Variants in METTL15 observed in about 807,000 individuals in gnomAD.
The protein encoded by METTL15 is 12S rRNA N(4)-cytidine methyltransferase METTL15.
In METTL15, 34 loss-of-function variants were observed where a neutral mutation model predicts 38.3. The ratio of observed to expected loss-of-function variants is 0.89; its 90% CI spans 0.68 to 1.18. The LOEUF (loss-of-function observed/expected upper bound fraction) is 1.18. Ranked by LOEUF, METTL15 falls within the 50% of genes most tolerant of loss-of-function variation. The probability of loss-of-function intolerance (pLI) is 0.00; values close to 1 mark genes in which losing one functional copy is unlikely to be tolerated. For missense variants in METTL15, 438 were observed against 498.4 expected (o/e 0.88, Z 1.15); for synonymous variants, 162 against 170.9 (o/e 0.95, Z 0.41).
At chr11:28,508,515 A>C (rs1851648500) in intron 6 of METTL15, among the ~76,000 whole-genome samples, 1 of 152,178 alleles carries the variant, frequency 6.6e-6, no homozygotes, top group Admixed American at 6.5e-5. Flanking sequence ...ATTGGCACCA[A>C]TTTTGTGCCC....
intron 5 of METTL15, among the ~76,000 whole-genome samples, chr11:28,383,113 C>A (rs1850406045): frequency 6.6e-6 from 1 of 152,122 alleles, no homozygotes; most frequent in Non-Finnish European, 1.5e-5. Flanking sequence ...CCTCTCCCTC[C>A]TCCTACCTTT....
At chr11:28,415,545 G>A (rs1352896140) in intron 5 of METTL15, among the ~76,000 whole-genome samples, 1 of 152,164 alleles carries the variant, frequency 6.6e-6, no homozygotes, top group Non-Finnish European at 1.5e-5. Flanking sequence ...AAAATGACTT[G>A]TTCAAAGTGG....
At position 28,486,773 on chromosome 11, in the gene METTL15, T is replaced by C. The variant is rs1007831483; in HGVS notation, c.*425-39705T>C. Reference sequence around the variant, plus strand: ...TTTTGCCATGCCAGGATATTGTAGCTGATAACTTAACTTCTTTATCCATTC... The same window carrying C: ...TTTTGCCATGCCAGGATATTGTAGCCGATAACTTAACTTCTTTATCCATTC... On this transcript the variant is annotated intron_variant and NMD_transcript_variant, in intron 6 of 7. Coordinates refer to the METTL15 transcript ENST00000532947. Among the ~76,000 whole-genome samples the C allele has an allele frequency of 8.5e-5, 13 of 152,206 alleles. No homozygotes were observed. In the East Asian group the frequency reaches 2.5e-3, roughly 29 times the overall value.
chr11:28,255,090 A>C (rs1211370303), intron 4 of METTL15, among the ~76,000 whole-genome samples: 2 of 152,132 alleles, frequency 1.3e-5, no homozygotes, highest in Non-Finnish European at 2.9e-5. Context: ...CTTCCATTCC[A>C]TGAACATGGA....
At chr11:28,530,318 A>G (rs1851837408), downstream of METTL15, among the ~76,000 whole-genome samples, 1 of 152,172 alleles carries the variant, frequency 6.6e-6, no homozygotes, top group African/African-American at 2.4e-5. Flanking sequence ...AAGGCTTATA[A>G]AGCATGTTTT....
chr11:28,176,212 A>G (rs1851070158), intron 3 of METTL15, among the ~76,000 whole-genome samples: 1 of 152,090 alleles, frequency 6.6e-6, no homozygotes. Context: ...AGACAAAAAA[A>G]TTTCTCCTGT....
At chr11:28,271,926 A>G (rs1017725482) in intron 4 of METTL15, among the ~76,000 whole-genome samples, 3 of 152,354 alleles carry the variant, frequency 2.0e-5, no homozygotes, top group Non-Finnish European at 2.9e-5. Context: ...GACACTTCTC[A>G]AAAGAAGACA....
intron 5 of METTL15, among the ~76,000 whole-genome samples, chr11:28,365,456 G>T (rs1369181539): frequency 1.2e-4 from 18 of 152,114 alleles, no homozygotes; most frequent in Non-Finnish European, 4.4e-5. Flanking sequence ...TAATTTGTGT[G>T]CATAAAAGTG....
intron 6 of METTL15, among the ~76,000 whole-genome samples, chr11:28,502,817 T>C (rs1490348372): frequency 6.6e-6 from 1 of 152,118 alleles, no homozygotes; most frequent in Non-Finnish European, 1.5e-5. Context: ...GCAGAACTTA[T>C]GGGTCTTCTG....
At chr11:28,377,082 T>G (rs1222832038) in intron 5 of METTL15, among the ~76,000 whole-genome samples, 1 of 135,318 alleles carries the variant, frequency 7.4e-6, no homozygotes, top group Admixed American at 8.3e-5. Context: ...TCTCTCTGGC[T>G]GCCCTCAACA....
At chr11:28,118,731 C>G (rs537532788) in intron 3 of METTL15, among the ~76,000 whole-genome samples, 1 of 152,050 alleles carries the variant, frequency 6.6e-6, no homozygotes, top group Non-Finnish European at 1.5e-5. Flanking sequence ...TACAAGTACC[C>G]CACTAGTACA....
At chr11:28,386,172 A>T (rs774033751) in intron 5 of METTL15, among the ~76,000 whole-genome samples, 1 of 152,074 alleles carries the variant, frequency 6.6e-6, no homozygotes, top group Non-Finnish European at 1.5e-5. Flanking sequence ...CAAAACACAA[A>T]GAAAGGCAGT....
chr11:28,496,357 A>G (rs1005298864), intron 6 of METTL15, among the ~76,000 whole-genome samples: 2 of 152,342 alleles, frequency 1.3e-5, no homozygotes, highest in East Asian at 1.9e-4. Flanking sequence ...CCATGATTCA[A>G]TTACCTCCAT....
At chr11:28,308,461 T>C (rs1857155259) in intron 6 of METTL15, among the ~76,000 whole-genome samples, 1 of 152,188 alleles carries the variant, frequency 6.6e-6, no homozygotes, top group Non-Finnish European at 1.5e-5. Flanking sequence ...GTATATCTAA[T>C]CTGCTGTGTA....
intron 5 of METTL15, among the ~76,000 whole-genome samples, chr11:28,371,423 A>T (rs918882568): frequency 6.6e-6 from 1 of 151,978 alleles, no homozygotes; most frequent in African/African-American, 2.4e-5. Context: ...TTATTTGTTT[A>T]CCATAGCTTT....
At chr11:28,320,970 A>G (rs980326453) in intron 6 of METTL15, among the ~76,000 whole-genome samples, 2 of 152,170 alleles carry the variant, frequency 1.3e-5, no homozygotes, top group African/African-American at 4.8e-5. Context: ...TCGGATGCTG[A>G]AATCTTTTAG....
chr11:28,189,125 A>G (rs1473377143), intron 3 of METTL15, among the ~76,000 whole-genome samples: 1 of 151,344 alleles, frequency 6.6e-6, no homozygotes, highest in Non-Finnish European at 1.5e-5. Flanking sequence ...GCCAATAAAT[A>G]TGTTGTTGAA....
At chr11:28,207,752 G>C (rs1590159050) in intron 3 of METTL15, among the ~76,000 whole-genome samples, 1 of 152,038 alleles carries the variant, frequency 6.6e-6, no homozygotes, top group South Asian at 2.1e-4. Flanking sequence ...ACCCTTTTTG[G>C]ATGGTAAGCT....
At chr11:28,280,667 C>CTT (rs61571700) in intron 4 of METTL15, among the ~76,000 whole-genome samples, 3 of 135,320 alleles carry the variant, frequency 2.2e-5, no homozygotes, top group Non-Finnish European at 4.7e-5. Context: ...GTCTCTTATG[C>CTT]TTTTTTTTTT....
Sources: gnomAD v4.1 joint callset for allele counts (sites outside exome capture counted in the v4.1 genomes callset) on GRCh38, gnomAD v4.1.1 for gene constraint, MANE v1.5 for transcripts, NCBI Gene and HGNC (gene_info 2026-07-23, HGNC 2026-07-21) for gene names.